MICOS10: variants seen among roughly 807,000 people sequenced by gnomAD.
The protein encoded by MICOS10 is MICOS complex subunit MIC10.
MICOS10 carries 5 observed loss-of-function variants against 13.4 expected under a neutral mutation model. That is an observed-to-expected ratio of 0.37 (90% CI 0.20 to 0.78). The LOEUF (loss-of-function observed/expected upper bound fraction) is 0.78, where lower values mean the gene tolerates loss of function less well. Among genes scored for constraint, MICOS10 ranks in the 30% least tolerant of loss-of-function variants. MICOS10 has a pLI of 0.47. For synonymous variants in MICOS10, 35 were observed against 33.6 expected, an observed-to-expected ratio of 1.04 and a Z score of -0.15; for missense variants, 101 against 94.6, an observed-to-expected ratio of 1.07 and a Z score of -0.28.
intron 1 of MICOS10, among the ~76,000 whole-genome samples, chr1:19,606,749 C>CA (rs550672925): frequency 0.058 from 7,739 of 134,000 alleles, 276 homozygotes; most frequent in Non-Finnish European, 0.081. Flanking sequence ...GCTCTGTCTC[C>CA]AAAAAAAAAA....
intron 1 of MICOS10, among the ~76,000 whole-genome samples, chr1:19,615,844 G>GTTAATA (rs920609369): frequency 2.0e-5 from 3 of 152,150 alleles, no homozygotes; most frequent in Admixed American, 6.5e-5. Flanking sequence ...CTTAATAAAT[G>GTTAATA]TTAATAAATG....
intron 1 of MICOS10, chr1:19,600,983 T>C (rs1229689813): frequency 1.0e-5 from 13 of 1,289,382 alleles, no homozygotes; most frequent in East Asian, 1.1e-4. Flanking sequence ...TGAGTCCTTC[T>C]CTGTTTGGTT....
At chr1:19,604,479 A>G (rs2094827502) in intron 1 of MICOS10, among the ~76,000 whole-genome samples, 1 of 152,194 alleles carries the variant, frequency 6.6e-6, no homozygotes. Context: ...ACTGCACTCC[A>G]GCCTGGGCAA....
intron 1 of MICOS10, among the ~76,000 whole-genome samples, chr1:19,609,761 A>G (rs938199863): frequency 6.6e-6 from 1 of 152,234 alleles, no homozygotes; most frequent in Non-Finnish European, 1.5e-5. Context: ...TCCTATTTAC[A>G]TATTTACATA....
chr1:19,613,712 T>C (rs1053251121), intron 1 of MICOS10, among the ~76,000 whole-genome samples: 4 of 152,210 alleles, frequency 2.6e-5, no homozygotes, highest in Non-Finnish European at 5.9e-5. Flanking sequence ...CCACACATAA[T>C]GTTGGCCAGA....
At chr1:19,599,832 C>T (rs1163891512) in intron 1 of MICOS10, among the ~76,000 whole-genome samples, 2 of 152,070 alleles carry the variant, frequency 1.3e-5, no homozygotes, top group Admixed American at 6.5e-5. Flanking sequence ...TAGAGAGATT[C>T]CATTTTATCT....
At chr1:19,622,452 C>T (rs568332126) in intron 2 of MICOS10, among the ~76,000 whole-genome samples, 17 of 152,142 alleles carry the variant, frequency 1.1e-4, no homozygotes, top group Non-Finnish European at 2.5e-4. Context: ...TCTACACGCT[C>T]AGATATTTCT....
chr1:19,608,408 G>A, intron 1 of MICOS10: 1 of 1,263,776 alleles, frequency 7.9e-7, no homozygotes, highest in Non-Finnish European at 1.2e-6. Flanking sequence ...CCAACTCCGG[G>A]CCACAGGAGG....
intron 1 of MICOS10, among the ~76,000 whole-genome samples, chr1:19,616,727 G>A (rs2094885740): frequency 6.6e-6 from 1 of 152,146 alleles, no homozygotes; most frequent in African/African-American, 2.4e-5. Flanking sequence ...CCTTTGTGTA[G>A]GAAAGAGCCA....
At chr1:19,622,065 A>G (rs778046190) in intron 1 of MICOS10, 35 bp from the exon 2 acceptor site, 2 of 1,540,248 alleles carry the variant, frequency 1.3e-6, no homozygotes, top group Admixed American at 3.4e-5. Flanking sequence ...AGTTACTGCT[A>G]TGAGATTTAG....
At chr1:19,624,042 G>A (rs1178150512) in intron 3 of MICOS10, among the ~76,000 whole-genome samples, 1 of 152,196 alleles carries the variant, frequency 6.6e-6, no homozygotes, top group Non-Finnish European at 1.5e-5. Flanking sequence ...CCAGGCAGGA[G>A]TGCAGTGGTG....
chr1:19,608,531 A>G (rs929192645), intron 1 of MICOS10: 4 of 1,025,292 alleles, frequency 3.9e-6, no homozygotes, highest in Admixed American at 1.7e-5. Flanking sequence ...CTCTGACAGC[A>G]CTCTCAGGAA....
At position 19,626,427 on chromosome 1, in the gene MICOS10, A is replaced by C. The variant is rs753455128; in HGVS notation, c.*26A>C. On this transcript the variant is annotated 3_prime_UTR_variant, in exon 4 of 4. Transcript: ENST00000322753. ...CTTCACCTGAGAACATCCCAGCGGG[A>C]GGACAAGAGAAATCATGTTTATTCC... 6.2e-7 allele frequency: 1 copy of C among 1,613,662 alleles called. No individual in the cohort carries two copies. The highest frequency in any genetic ancestry group is 8.5e-7 in the Non-Finnish European group (1 of 1,179,638).
intron 1 of MICOS10, among the ~76,000 whole-genome samples, chr1:19,617,904 A>AT (rs985482702): frequency 2.7e-5 from 4 of 149,788 alleles, no homozygotes; most frequent in Non-Finnish European, 5.9e-5. Flanking sequence ...CCTCTATTAA[A>AT]AAATATATAT....
intron 1 of MICOS10, among the ~76,000 whole-genome samples, chr1:19,609,196 G>GACA (rs1002699916): frequency 1.1e-4 from 16 of 151,596 alleles, no homozygotes; most frequent in African/African-American, 2.7e-4. Flanking sequence ...ATCATAGGAA[G>GACA]ACAACACATG....
intron 1 of MICOS10, chr1:19,614,430 ACT>A (rs2094875860): frequency 6.8e-6 from 1 of 147,330 alleles, no homozygotes; most frequent in African/African-American, 2.5e-5. Context: ...ACACACATTC[ACT>A]CTCCTCTCTC....
intron 1 of MICOS10, among the ~76,000 whole-genome samples, chr1:19,617,910 T>C (rs901995398): frequency 1.3e-5 from 2 of 151,680 alleles, no homozygotes; most frequent in South Asian, 2.1e-4. Context: ...TTAAAAAATA[T>C]ATATATATGT....
chr1:19,606,259 G>A (rs1337272344), intron 1 of MICOS10, among the ~76,000 whole-genome samples: 1 of 152,170 alleles, frequency 6.6e-6, no homozygotes, highest in East Asian at 1.9e-4. Flanking sequence ...CTACATAAAT[G>A]AGCATGGTGT....
In MICOS10 at chr1:19,626,715, T is replaced by A. The variant is rs1219649665; in HGVS notation, c.*314T>A. Reference sequence around the variant, plus strand: ...TGAACTGCCAGCAGCTGTAGCCACCTGCTCACAGCCTCTCTGAGAACCCCC... The same window carrying A: ...TGAACTGCCAGCAGCTGTAGCCACCAGCTCACAGCCTCTCTGAGAACCCCC... On this transcript the variant is annotated 3_prime_UTR_variant, in exon 4 of 4. Coordinates refer to ENST00000322753, the MANE Select transcript of MICOS10 (RefSeq NM_001032363.4). 4 of 327,848 alleles carry A rather than the reference T, an allele frequency of 1.2e-5. No homozygotes were observed. The highest frequency in any genetic ancestry group is 7.9e-5 in the Admixed American group (2 of 25,262). The allele number at this position is 327,848 out of a possible 1,614,324, so 20.3% of individuals were successfully genotyped here.
Sources: allele counts gnomAD v4.1 joint callset (sites outside exome capture counted in the v4.1 genomes callset), GRCh38; gene constraint gnomAD v4.1.1; transcripts MANE v1.5; gene names NCBI Gene and HGNC (gene_info 2026-07-23, HGNC 2026-07-21).